The following LRCH1 variants were observed in gnomAD, a reference collection of about 807,000 sequenced individuals.
LRCH1 encodes leucine rich repeats and calponin homology domain containing 1, also known as leucine-rich repeat and calponin homology domain-containing protein 1.
Under a neutral mutation model 94.9 loss-of-function variants are expected in LRCH1, and 23 were observed. The ratio of observed to expected loss-of-function variants is 0.24; its 90% confidence interval spans 0.17 to 0.34. The LOEUF is 0.34. Ranked by LOEUF, LRCH1 falls within the 10% of genes least tolerant of loss-of-function variation. The probability of loss-of-function intolerance (pLI) is 1.00; values close to 1 mark genes in which losing one functional copy is unlikely to be tolerated. For synonymous variants in LRCH1, 364 were observed against 354.9 expected (o/e 1.03, Z -0.29); for missense variants, 790 against 945.9 (o/e 0.84, Z 2.16).
chr13:46,628,008 T>A (rs1245438048), intron 1 of LRCH1, among the ~76,000 whole-genome samples: 1 of 151,972 alleles, frequency 6.6e-6, no homozygotes, highest in Non-Finnish European at 1.5e-5. Context: ...CAGTCTGGCT[T>A]ATGGGAAATA....
chr13:46,749,702 G>A (rs1055335557), downstream of LRCH1, among the ~76,000 whole-genome samples: 9 of 152,164 alleles, frequency 5.9e-5, no homozygotes, highest in African/African-American at 1.9e-4. Flanking sequence ...AATATTTGCC[G>A]TGGTGTCTTT....
At chr13:46,618,822 C>T (rs542460695) in intron 1 of LRCH1, among the ~76,000 whole-genome samples, 1 of 152,134 alleles carries the variant, frequency 6.6e-6, no homozygotes, top group Non-Finnish European at 1.5e-5. Flanking sequence ...CCCCTGGAGG[C>T]TCAGAGTTGA....
chr13:46,585,594 C>G (rs2050426530), intron 1 of LRCH1, among the ~76,000 whole-genome samples: 1 of 151,632 alleles, frequency 6.6e-6, no homozygotes, highest in Non-Finnish European at 1.5e-5. Flanking sequence ...TTTCTATAAC[C>G]TGCACCGATT....
intron 17 of LRCH1, among the ~76,000 whole-genome samples, chr13:46,726,435 A>G (rs1304533291): frequency 6.6e-6 from 1 of 152,218 alleles, no homozygotes; most frequent in Non-Finnish European, 1.5e-5. Context: ...TAGAAAAACA[A>G]CAATAAAAGC....
chr13:46,735,608 A>G (rs1427467853), intron 19 of LRCH1, among the ~76,000 whole-genome samples: 1 of 152,158 alleles, frequency 6.6e-6, no homozygotes, highest in Admixed American at 6.5e-5. Flanking sequence ...AGCAAAATTT[A>G]TCATAATTTC....
In LRCH1 at chr13:46,743,333, C is replaced by G; in HGVS notation, c.*1485C>G. Reference sequence around the variant, plus strand: ...TTGCTGCTAAGTCAGATCAGATTTGCTAACAGGAAGCATTCTTTACATGAC... The same window carrying G: ...TTGCTGCTAAGTCAGATCAGATTTGGTAACAGGAAGCATTCTTTACATGAC... On this transcript the variant is annotated 3_prime_UTR_variant, in exon 20 of 20. Transcript: ENST00000389797. 1.0e-6 allele frequency: 1 copy of G among 985,820 alleles called. No individual in the cohort carries two copies. Among genetic ancestry groups the G allele is most frequent in the African/African-American group, 1.7e-5 (1 of 57,346 alleles). The allele number at this position is 985,820 out of a possible 1,614,324, so 61.1% of individuals were successfully genotyped here.
intron 18 of LRCH1, among the ~76,000 whole-genome samples, chr13:46,731,411 A>G (rs1230396390): frequency 6.6e-6 from 1 of 151,888 alleles, no homozygotes; most frequent in Non-Finnish European, 1.5e-5. Flanking sequence ...TTGTATTTTT[A>G]CTAGAGACGG....
At chr13:46,638,075 TC>T in intron 1 of LRCH1, among the ~76,000 whole-genome samples, 2 of 152,346 alleles carry the variant, frequency 1.3e-5, no homozygotes, top group Middle Eastern at 6.8e-3. Context: ...TTGAGTCGTT[TC>T]CAAGAAGGAT....
intron 1 of LRCH1, among the ~76,000 whole-genome samples, chr13:46,613,630 G>C (rs1020972471): frequency 3.3e-5 from 5 of 152,138 alleles, no homozygotes; most frequent in Non-Finnish European, 5.9e-5. Context: ...GGGAGCTTTA[G>C]AATCCAGATG....
chr13:46,701,338 C>T (rs1871460851), intron 11 of LRCH1, 131 bp downstream of exon 11: 1 of 584,990 alleles, frequency 1.7e-6, no homozygotes, highest in East Asian at 3.1e-5. Flanking sequence ...AAAGAAAAGT[C>T]ATGTTTATTG....
intron 1 of LRCH1, among the ~76,000 whole-genome samples, chr13:46,580,186 G>T (rs2050349094): frequency 6.6e-6 from 1 of 152,292 alleles, no homozygotes; most frequent in Non-Finnish European, 1.5e-5. Flanking sequence ...AGCTAGCTCT[G>T]AGAAAGCTTG....
chr13:46,700,991 C>T (rs1292994374), intron 10 of LRCH1, 130 bp from the exon 11 acceptor site: 2 of 652,558 alleles, frequency 3.1e-6, no homozygotes, highest in Non-Finnish European at 5.4e-6. Flanking sequence ...ACATTTTCAC[C>T]ATAACACTGA....
chr13:46,567,963 T>C (rs537182607), intron 1 of LRCH1, among the ~76,000 whole-genome samples: 3 of 152,268 alleles, frequency 2.0e-5, no homozygotes, highest in Admixed American at 2.0e-4. Flanking sequence ...CAGGCAGCCT[T>C]GGTCTTTCTC....
chr13:46,700,677 G>A (rs1871417018), intron 10 of LRCH1, among the ~76,000 whole-genome samples: 1 of 152,174 alleles, frequency 6.6e-6, no homozygotes, highest in South Asian at 2.1e-4. Flanking sequence ...AGTTTGGACT[G>A]AGAACCACTG....
intron 3 of LRCH1, among the ~76,000 whole-genome samples, chr13:46,678,906 G>A (rs568916002): frequency 7.2e-5 from 11 of 152,224 alleles, no homozygotes; most frequent in South Asian, 4.1e-4. Flanking sequence ...TGTGAATAAC[G>A]TGCTACCTAA....
intron 11 of LRCH1, among the ~76,000 whole-genome samples, chr13:46,703,885 A>T (rs769522693): frequency 4.8e-5 from 7 of 146,138 alleles, no homozygotes; most frequent in Non-Finnish European, 8.8e-5. Flanking sequence ...TAAGAAGGAA[A>T]TATATTAAAA....
downstream of LRCH1, among the ~76,000 whole-genome samples, chr13:46,749,084 C>G (rs1265812554): frequency 1.3e-5 from 2 of 152,180 alleles, no homozygotes; most frequent in African/African-American, 4.8e-5. Context: ...GCAAGTGTCA[C>G]GTGGAAGGAA....
chr13:46,553,935 C>T (rs2050033137), intron 1 of LRCH1, among the ~76,000 whole-genome samples: 2 of 152,212 alleles, frequency 1.3e-5, no homozygotes, highest in East Asian at 1.9e-4. Flanking sequence ...CAGGGGTGCG[C>T]CGGGCCTCTG....
chr13:46,647,605 A>G (rs1216427790), intron 1 of LRCH1, among the ~76,000 whole-genome samples: 3 of 152,102 alleles, frequency 2.0e-5, no homozygotes, highest in Non-Finnish European at 4.4e-5. Flanking sequence ...TTTGTTTTAA[A>G]ATGCCATACT....
Sources: allele counts gnomAD v4.1 joint callset (sites outside exome capture counted in the v4.1 genomes callset), GRCh38; gene constraint gnomAD v4.1.1; transcripts MANE v1.5; gene names NCBI Gene and HGNC (gene_info 2026-07-23, HGNC 2026-07-21).